MID1: variants seen among roughly 807,000 people sequenced by gnomAD.
MID1 encodes midline 1.
MID1 carries 7 observed loss-of-function variants against 40.4 expected under a neutral mutation model. The observed-to-expected ratio is 0.17, with a 90% CI of 0.10 to 0.33. MID1 has a LOEUF of 0.33. Among genes scored for constraint, MID1 ranks in the 10% least tolerant of loss-of-function variants. The probability of loss-of-function intolerance (pLI) is 1.00; values close to 1 mark genes in which losing one functional copy is unlikely to be tolerated. For missense variants in MID1, 367 were observed against 558.5 expected (o/e 0.66, Z 3.46); for synonymous variants, 229 against 221.2 (o/e 1.04, Z -0.31).
intron 1 of MID1, among the ~76,000 whole-genome samples, chrX:10,803,318 C>T (rs2044022028): frequency 9.3e-6 from 1 of 108,090 alleles, no homozygotes; most frequent in Admixed American, 9.9e-5. Flanking sequence ...TTATATTATG[C>T]TTCATACATA....
intron 2 of MID1, among the ~76,000 whole-genome samples, chrX:10,546,950 G>T (rs1933703057): frequency 8.9e-6 from 1 of 112,535 alleles, no homozygotes; most frequent in South Asian, 3.7e-4. Flanking sequence ...TTATGCCAAA[G>T]GGTAGAATAA....
intron 9 of MID1, among the ~76,000 whole-genome samples, chrX:10,450,310 A>C (rs760224483): frequency 8.9e-6 from 1 of 112,593 alleles, no homozygotes; most frequent in East Asian, 2.8e-4. Context: ...CATGTCTGTC[A>C]TTTTCTGATT....
At chrX:10,493,861 A>G (rs1931087497) in intron 4 of MID1, among the ~76,000 whole-genome samples, 2 of 112,642 alleles carry the variant, frequency 1.8e-5, no homozygotes, top group African/African-American at 6.5e-5. Context: ...CTGAGAGCTA[A>G]TCTCTGCATG....
At chrX:10,639,747 G>T (rs1400309611) in intron 1 of MID1, among the ~76,000 whole-genome samples, 2 of 111,670 alleles carry the variant, frequency 1.8e-5, no homozygotes, top group Non-Finnish European at 3.8e-5. Context: ...GGAAAAAAAT[G>T]TTAAGGGCAG....
chrX:10,777,211 A>T lies in MID1; in HGVS notation c.-187+56343T>A, dbSNP rs373706350. Among the ~76,000 whole-genome samples the T allele has an allele frequency of 5.9e-3, 650 of 110,430 alleles. 4 individuals carry two copies. The highest frequency in any genetic ancestry group is 0.02 in the African/African-American group (609 of 30,071). On this transcript the variant is annotated intron_variant, in intron 1 of 10. Transcript: ENST00000380785. ...ATTTTATTTGTTTGTTTATTTATTT[A>T]TTTTTTTTGAGACGAGTCTCTCTGT...
At position 10,565,119 on chromosome X, in the gene MID1, A is replaced by G. The variant is rs190593950; in HGVS notation, c.660+1769T>C. 404 of 328,708 alleles carry G rather than the reference A, an allele frequency of 1.2e-3. 2 individuals are homozygous for G. The highest frequency in any genetic ancestry group is 4.8e-4 in the Non-Finnish European group (81 of 169,571). The allele number at this position is 328,708 out of a possible 1,213,427, so 27.1% of individuals were successfully genotyped here. A position where few individuals can be genotyped will look rare whatever the true frequency, so the allele number is the denominator to read the frequency against. ...TACATGCATTGCCTTTGCTATGATT[A>G]ACTTTGGTGGTACTTTTCTCCTGTG... is the stretch of plus-strand genomic sequence containing the variant. On this transcript the variant is annotated intron_variant, in intron 2 of 9. Transcript: ENST00000317552.
At chrX:10,807,692 C>T (rs1240467090) in intron 1 of MID1, among the ~76,000 whole-genome samples, 1 of 112,546 alleles carries the variant, frequency 8.9e-6, no homozygotes, top group Non-Finnish European at 1.9e-5. Context: ...ATGACTTCCC[C>T]TTCTGCCATC....
chrX:10,788,963 T>C (rs1384510990), intron 1 of MID1, among the ~76,000 whole-genome samples: 1 of 111,603 alleles, frequency 9.0e-6, no homozygotes, highest in East Asian at 2.8e-4. Context: ...AAACCTTGTC[T>C]CTACCAAAAC....
rs745892376 is a variant in MID1 at position 10,553,105 on chromosome X, G to A, written c.660+13783C>T. Among the ~76,000 whole-genome samples the A allele has an allele frequency of 2.8e-3, 311 of 110,197 alleles. 3 individuals carry two copies. The highest frequency in any genetic ancestry group is 4.4e-3 in the Non-Finnish European group (234 of 52,704). ...TCTACTAAAAATACAAAAATTAGCC[G>A]GGCGTGGTGGCGCATGCCTGTAATC... On this transcript the variant is annotated intron_variant, in intron 2 of 9. Coordinates refer to ENST00000317552, the MANE Select transcript of MID1 (RefSeq NM_000381.4).
chrX:10,623,254 G>GA (rs201353108), upstream of MID1, among the ~76,000 whole-genome samples: 953 of 61,430 alleles, frequency 0.016, 21 homozygotes, highest in African/African-American at 0.054. Context: ...CGAAAAAAAA[G>GA]AAAAAAAAAT....
chrX:10,661,265 C>T (rs185255146), intron 1 of MID1, among the ~76,000 whole-genome samples: 3 of 110,587 alleles, frequency 2.7e-5, no homozygotes, highest in Admixed American at 9.6e-5. Context: ...ATGAATGGTA[C>T]GGGGGAACTC....
At chrX:10,802,766 G>A (rs895655079) in intron 1 of MID1, among the ~76,000 whole-genome samples, 5 of 111,845 alleles carry the variant, frequency 4.5e-5, no homozygotes, top group African/African-American at 1.6e-4. Flanking sequence ...CAAAGACATA[G>A]TATAAACCTA....
At chrX:10,638,638 G>C (rs892352746) in intron 1 of MID1, among the ~76,000 whole-genome samples, 4 of 111,994 alleles carry the variant, frequency 3.6e-5, no homozygotes, top group Non-Finnish European at 5.6e-5. Context: ...GTCCCTGTCT[G>C]ACAGCTTTGA....
chrX:10,566,905 G>T lies in MID1; in HGVS notation c.643C>A (p.Arg215Ser). The change falls in exon 2 of 10, where the codon CGC (arginine) becomes AGC (serine). Residue 215 changes from arginine to serine, a missense_variant. Arg to Ser is a moderately radical substitution (Grantham distance 110). Around this residue, in one of 3 missense-constraint regions of MID1, gnomAD observed 275 missense variants for 383.1 expected, o/e 0.72. Transcript: ENST00000317552. ...GGACTAACCTTCAATTTGTCATAGCGCTCACTCAAAGCTGCCACCTGATGA... is the reference window on the plus strand; with the variant it reads ...GGACTAACCTTCAATTTGTCATAGCTCTCACTCAAAGCTGCCACCTGATGA... ...RDHQVAALSERYDKLKQNLES... is the reference protein window; with the variant it reads ...RDHQVAALSESYDKLKQNLES... The T allele has an allele frequency of 8.3e-7, 1 of 1,211,177 alleles. No individual in the cohort carries two copies. The highest frequency in any genetic ancestry group is 1.1e-6 in the Non-Finnish European group (1 of 895,249).
rs749301174 is a variant in MID1, at chrX:10,455,855, T to C, written c.1448-778A>G. 8.0e-5 allele frequency among the ~76,000 whole-genome samples: 9 copies of C among 112,119 alleles called. No individual in the cohort carries two copies. In the South Asian group the frequency reaches 3.3e-3, roughly 42 times the overall value. On this transcript the variant is annotated intron_variant, in intron 8 of 9. Transcript: ENST00000317552. Reference sequence around the variant, plus strand: ...GCCTTCTCTATTTCATTACTCACATTTGTGTCTTAAAGATTTAAGTATTAA... The same window carrying C: ...GCCTTCTCTATTTCATTACTCACATCTGTGTCTTAAAGATTTAAGTATTAA...
intron 1 of MID1, among the ~76,000 whole-genome samples, chrX:10,678,973 T>C (rs1274594101): frequency 9.0e-6 from 1 of 110,670 alleles, no homozygotes; most frequent in Non-Finnish European, 1.9e-5. Context: ...GGGGGAGAGA[T>C]TTGGCAATCT....
At chrX:10,606,844 G>A (rs965554372) in intron 1 of MID1, among the ~76,000 whole-genome samples, 3 of 110,967 alleles carry the variant, frequency 2.7e-5, no homozygotes, top group Non-Finnish European at 3.8e-5. Flanking sequence ...CGATCCTCCC[G>A]ACTCAGCCTC....
intron 1 of MID1, among the ~76,000 whole-genome samples, chrX:10,590,232 C>T (rs940626520): frequency 8.9e-6 from 1 of 111,775 alleles, no homozygotes; most frequent in African/African-American, 3.3e-5. Flanking sequence ...CTTGGTTTCG[C>T]GTCTGGTTCT....
At chrX:10,476,869 T>C (rs771440270) in intron 5 of MID1, among the ~76,000 whole-genome samples, 1 of 112,034 alleles carries the variant, frequency 8.9e-6, no homozygotes, top group East Asian at 2.8e-4. Flanking sequence ...ACGGAGATGG[T>C]TGCTAGGCAT....
Sources: gnomAD v4.1 joint callset for allele counts (sites outside exome capture counted in the v4.1 genomes callset) on GRCh38, gnomAD v4.1.1 for gene constraint, gnomAD v4.1.1 regional missense constraint, MANE v1.5 for transcripts, NCBI Gene and HGNC (gene_info 2026-07-23, HGNC 2026-07-21) for gene names.